Variants in CRPPA observed in about 807,000 individuals in gnomAD.
CRPPA encodes the protein D-ribitol-5-phosphate cytidylyltransferase.
In CRPPA, 43 loss-of-function variants were observed where a neutral mutation model predicts 52.0. The ratio of observed to expected loss-of-function variants is 0.83; its 90% CI spans 0.65 to 1.07. The LOEUF is 1.07. CRPPA is among the 50% of genes least tolerant of loss of function. CRPPA has a pLI of 0.00. For synonymous variants in CRPPA, 250 were observed against 203.5 expected (o/e 1.23, Z -1.94); for missense variants, 629 against 551.7 (o/e 1.14, Z -1.40).
At chr7:16,279,138 G>A (rs1048322167) in intron 5 of CRPPA, among the ~76,000 whole-genome samples, 2 of 152,132 alleles carry the variant, frequency 1.3e-5, no homozygotes, top group South Asian at 4.1e-4. Context: ...TTTAAGATAG[G>A]ATTCCTGAAT....
At chr7:16,121,738 T>C (rs1433785393) in intron 9 of CRPPA, among the ~76,000 whole-genome samples, 1 of 152,060 alleles carries the variant, frequency 6.6e-6, no homozygotes, top group Non-Finnish European at 1.5e-5. Context: ...TTTCAGGAAC[T>C]GTCATGCCAT....
chr7:16,254,816 A>AGAAAGAAC lies in CRPPA; in HGVS notation c.1119+3573_1119+3574insGTTCTTTC, dbSNP rs879708684. 8.9e-4 allele frequency among the ~76,000 whole-genome samples: 132 copies of AGAAAGAAC among 147,982 alleles called. 1 individual carries two copies. Among genetic ancestry groups the AGAAAGAAC allele is most frequent in the African/African-American group, 2.9e-3 (117 of 40,558 alleles). ...AGGAAAGAAAGAAAGAAAGAAAGAA[A>AGAAAGAAC]GAAAGAAAGAAAGAAAGAAAGAAAG... On this transcript the variant is annotated intron_variant, in intron 8 of 9. Transcript: ENST00000407010.
At chr7:16,209,273 C>CTTTTTTTTTTTGTTTTTTTTTTT (rs1782059519) in intron 9 of CRPPA, 1 of 122,066 alleles carries the variant, frequency 8.2e-6, no homozygotes, top group South Asian at 1.3e-4. Context: ...TTCTAAGTGT[C>CTTTTTTTTTTTGTTTTTTTTTTT]TTTTTTTTTT....
At chr7:16,291,236 A>G (rs754554244) in intron 5 of CRPPA, among the ~76,000 whole-genome samples, 4 of 151,968 alleles carry the variant, frequency 2.6e-5, no homozygotes, top group Admixed American at 6.6e-5. Flanking sequence ...TTCTCAAAAA[A>G]CTAAAAATAT....
intron 9 of CRPPA, among the ~76,000 whole-genome samples, chr7:16,193,350 T>C (rs780553885): frequency 1.4e-4 from 21 of 152,156 alleles, no homozygotes; most frequent in Non-Finnish European, 2.6e-4. Context: ...TATAAATTTT[T>C]TATATTGACC....
chr7:16,163,855 C>T (rs928825576), intron 9 of CRPPA, among the ~76,000 whole-genome samples: 3 of 152,234 alleles, frequency 2.0e-5, no homozygotes, highest in African/African-American at 7.2e-5. Context: ...CCACTCTCTT[C>T]TGGCTTGTAG....
chr7:16,258,413 A>C lies in CRPPA; in HGVS notation c.1096T>G (p.Leu366Val). 6.2e-7 allele frequency: 1 copy of C among 1,604,158 alleles called. No individual in the cohort carries two copies. Among genetic ancestry groups the C allele is most frequent in the South Asian group, 1.1e-5 (1 of 89,308 alleles). ...SMLEESSLCILYPVVVVSVHF... is the reference protein window; with the variant it reads ...SMLEESSLCIVYPVVVVSVHF... ...ACTGAAACAACAACAACAGGATATA[A>C]AATGCAAAGACTACTCTCTTCAAGC... is the stretch of plus-strand genomic sequence containing the variant. The change falls in exon 8 of 10, where the codon TTA becomes GTA. Residue 366 changes from leucine (L) to valine (V), a missense_variant. Coordinates refer to ENST00000407010, the MANE Select transcript of CRPPA (RefSeq NM_001101426.4).
At chr7:16,112,405 G>T (rs1782284701) in intron 9 of CRPPA, among the ~76,000 whole-genome samples, 1 of 151,944 alleles carries the variant, frequency 6.6e-6, no homozygotes, top group African/African-American at 2.4e-5. Flanking sequence ...TCTGCAGATA[G>T]ATAGCTATCA....
Position 16,089,299 on chromosome 7 carries a change from C to CATATATGTGTGTATGCGTACGTATATAA in CRPPA, c.*2368_*2395dup, listed in dbSNP as rs1457637827. Reference sequence around the variant, plus strand: ...ATATGTGTGTATGCGTACGTATATACATATATGTGTGTATGCGTACGTATA... The same window carrying CATATATGTGTGTATGCGTACGTATATAA: ...ATATGTGTGTATGCGTACGTATATACATATATGTGTGTATGCGTACGTATATAAATATATGTGTGTATGCGTACGTATA... On this transcript the variant is annotated 3_prime_UTR_variant, in exon 10 of 10. Transcript: ENST00000407010. 2 of 384,882 alleles carry CATATATGTGTGTATGCGTACGTATATAA rather than the reference C, an allele frequency of 5.2e-6. No homozygotes were observed. The highest frequency in any genetic ancestry group is 1.1e-5 in the Non-Finnish European group (2 of 183,892). The allele number at this position is 384,882 out of a possible 1,614,324, so 23.8% of individuals were successfully genotyped here.
At chr7:16,298,537 T>C (rs751029225) in intron 5 of CRPPA, among the ~76,000 whole-genome samples, 2 of 152,150 alleles carry the variant, frequency 1.3e-5, no homozygotes, top group African/African-American at 2.4e-5. Context: ...CTTCAAATAA[T>C]GCCCAGCACA....
At chr7:16,267,112 A>G (rs754616280) in intron 6 of CRPPA, among the ~76,000 whole-genome samples, 1 of 152,224 alleles carries the variant, frequency 6.6e-6, no homozygotes, top group Non-Finnish European at 1.5e-5. Flanking sequence ...TAAAAATAAA[A>G]CAAGGTCACA....
At chr7:16,227,873 C>T (rs1322050527) in intron 8 of CRPPA, among the ~76,000 whole-genome samples, 1 of 151,812 alleles carries the variant, frequency 6.6e-6, no homozygotes, top group Admixed American at 6.6e-5. Context: ...TTCATAGATT[C>T]TAATCTTACA....
chr7:16,409,619 A>G (rs929316428), intron 1 of CRPPA, among the ~76,000 whole-genome samples: 1 of 152,252 alleles, frequency 6.6e-6, no homozygotes, highest in Admixed American at 6.5e-5. Context: ...CAAGTATCAC[A>G]TAATAATAGC....
At chr7:16,283,800 T>TTA (rs1456273911) in intron 5 of CRPPA, among the ~76,000 whole-genome samples, 1 of 151,906 alleles carries the variant, frequency 6.6e-6, no homozygotes, top group African/African-American at 2.4e-5. Flanking sequence ...TATCTGCATG[T>TTA]CTCACTGGGT....
intron 3 of CRPPA, among the ~76,000 whole-genome samples, chr7:16,319,970 T>C (rs558621416): frequency 2.6e-5 from 4 of 152,194 alleles, no homozygotes; most frequent in Non-Finnish European, 5.9e-5. Context: ...ACTTTGAGAA[T>C]TCTACAGCAA....
rs1394429136 is a variant in CRPPA at position 16,090,034 on chromosome 7, C to T, written c.*1661G>A. The T allele has an allele frequency of 6.5e-6, 1 of 152,788 alleles. No individual in the cohort carries two copies. Among genetic ancestry groups the T allele is most frequent in the African/African-American group, 2.4e-5 (1 of 41,396 alleles). The allele number at this position is 152,788 out of a possible 1,614,324, so 9.5% of individuals were successfully genotyped here. On this transcript the variant is annotated 3_prime_UTR_variant, in exon 10 of 10. Coordinates refer to ENST00000407010, the MANE Select transcript of CRPPA (RefSeq NM_001101426.4). ...TTGGGGACTTGGCAGCTGTGGTTTT[C>T]GTCACACACACAGCCGACATCTGAA...
At chr7:16,341,519 G>T (rs12699783) in intron 3 of CRPPA, among the ~76,000 whole-genome samples, 24,917 of 152,078 alleles carry the variant, frequency 0.16, 2,570 homozygotes, top group South Asian at 0.42. Context: ...TAAAATAAGT[G>T]AATAAAATTA....
Position 16,332,612 on chromosome 7 carries a change from C to T in CRPPA, c.685-23985G>A, listed in dbSNP as rs1785578927. Reference sequence around the variant, plus strand: ...ATTAGTTGTAAATGTGTACTAGCAACTATGGCAAAAACTGAAAGAATGTAA... The same window carrying T: ...ATTAGTTGTAAATGTGTACTAGCAATTATGGCAAAAACTGAAAGAATGTAA... On this transcript the variant is annotated intron_variant, in intron 3 of 9. Transcript: ENST00000407010. Among the ~76,000 whole-genome samples, 2 of 151,904 alleles carry T rather than the reference C, an allele frequency of 1.3e-5. 1 individual carries two copies. Among genetic ancestry groups the T allele is most frequent in the Admixed American group, 1.3e-4 (2 of 15,248 alleles).
chr7:16,397,174 GAC>G (rs1325115018), intron 2 of CRPPA, among the ~76,000 whole-genome samples: 1 of 152,132 alleles, frequency 6.6e-6, no homozygotes, highest in African/African-American at 2.4e-5. Flanking sequence ...CCAATGACAC[GAC>G]ACATTATCAA....
Sources: gnomAD v4.1 joint callset for allele counts (sites outside exome capture counted in the v4.1 genomes callset) on GRCh38, gnomAD v4.1.1 for gene constraint, MANE v1.5 for transcripts, NCBI Gene and HGNC (gene_info 2026-07-23, HGNC 2026-07-21) for gene names.